Variants in ADAM29 observed in about 807,000 individuals in gnomAD.
ADAM29 encodes the protein disintegrin and metalloproteinase domain-containing protein 29.
For synonymous variants in ADAM29, 367 were observed against 342.3 expected (o/e 1.07, Z -0.80); for missense variants, 969 against 1,001.8 (o/e 0.97, Z 0.44).
intron 4 of ADAM29, among the ~76,000 whole-genome samples, chr4:174,951,952 A>C (rs1423695805): frequency 6.6e-6 from 1 of 152,182 alleles, no homozygotes; most frequent in African/African-American, 2.4e-5. Context: ...ATTGTGCATC[A>C]CGGTGACTAT....
Position 174,976,866 on chromosome 4 carries a change from G to T in ADAM29, c.1341G>T (p.Lys447Asn), listed in dbSNP as rs376303644. Residue 447 changes from lysine to asparagine, a missense_variant, in exon 5 of 5, where the codon AAG becomes AAT. By Grantham distance (94) the Lys-to-Asn change is moderately conservative. Coordinates refer to ENST00000359240, the MANE Select transcript of ADAM29 (RefSeq NM_014269.4). Reference protein sequence around the residue: ...CAFGLCCKDCKFLPSGKVCRK... With the variant: ...CAFGLCCKDCNFLPSGKVCRK... ...TTGGGCTTTGTTGCAAAGACTGCAA[G>T]TTCCTACCATCAGGGAAAGTGTGTA... 1.2e-6 allele frequency: 2 copies of T among 1,614,084 alleles called. No homozygotes were observed. The highest frequency in any genetic ancestry group is 1.7e-5 in the Admixed American group (1 of 60,002).
chr4:174,964,882 GTGTT>G (rs143588068), intron 4 of ADAM29, among the ~76,000 whole-genome samples: 2,762 of 152,000 alleles, frequency 0.018, 101 homozygotes, highest in African/African-American at 0.062. Flanking sequence ...ATGTTCATAA[GTGTT>G]TGGCCAGGTG....
At chr4:174,922,602 A>G (rs2110892169) in intron 2 of ADAM29, among the ~76,000 whole-genome samples, 1 of 152,318 alleles carries the variant, frequency 6.6e-6, no homozygotes. Context: ...TAGGAACCCC[A>G]CCAACTTATC....
At chr4:174,951,899 T>A (rs4490436) in intron 4 of ADAM29, among the ~76,000 whole-genome samples, 63,596 of 151,890 alleles carry the variant, frequency 0.42, 13,863 homozygotes, top group African/African-American at 0.54. Context: ...GGTTAAAGGA[T>A]GCAAAATTTC....
intron 4 of ADAM29, among the ~76,000 whole-genome samples, chr4:174,945,880 T>C (rs1744820112): frequency 6.6e-6 from 1 of 152,194 alleles, no homozygotes; most frequent in Non-Finnish European, 1.5e-5. Context: ...TACCATGCCA[T>C]TTTGGTTACT....
intron 4 of ADAM29, among the ~76,000 whole-genome samples, chr4:174,952,435 A>G (rs111348378): frequency 3.9e-4 from 60 of 152,260 alleles, no homozygotes; most frequent in African/African-American, 1.4e-3. Context: ...AAGTAAAGGG[A>G]ATATCAGTGC....
intron 4 of ADAM29, among the ~76,000 whole-genome samples, chr4:174,944,447 T>TC (rs1350963032): frequency 6.6e-6 from 1 of 152,226 alleles, no homozygotes; most frequent in Non-Finnish European, 1.5e-5. Flanking sequence ...ATTATATTTT[T>TC]CTCTTTGTTT....
At chr4:174,937,926 T>C (rs1391041314) in intron 4 of ADAM29, among the ~76,000 whole-genome samples, 1 of 152,040 alleles carries the variant, frequency 6.6e-6, no homozygotes, top group Non-Finnish European at 1.5e-5. Flanking sequence ...TTAGGGCAAG[T>C]TTTTCAGAAA....
At chr4:174,974,038 T>A (rs577414284) in intron 4 of ADAM29, among the ~76,000 whole-genome samples, 2 of 152,316 alleles carry the variant, frequency 1.3e-5, no homozygotes, top group Admixed American at 1.3e-4. Context: ...GTTAGGTTAG[T>A]CATCCAGTGC....
At chr4:174,959,921 A>G (rs1745712888) in intron 4 of ADAM29, among the ~76,000 whole-genome samples, 1 of 152,018 alleles carries the variant, frequency 6.6e-6, no homozygotes, top group Admixed American at 6.6e-5. Context: ...ATGAGATTTT[A>G]TAGAATTCAG....
At position 174,975,886 on chromosome 4, in the gene ADAM29, G is replaced by A. The variant is rs1746749327; in HGVS notation, c.361G>A (p.Gly121Arg). The change falls in exon 5 of 5, where the codon GGG (glycine) becomes AGG (arginine). Residue 121 changes from glycine to arginine, a missense_variant. Physicochemically the swap from Gly to Arg is moderately radical, Grantham distance 125. Transcript: ENST00000359240. ...ESLVSLSTCFGGFQGILQIND... is the reference protein window; with the variant it reads ...ESLVSLSTCFRGFQGILQIND... The stretch of plus-strand genomic sequence containing the variant: ...CCTGGTTTCCCTCAGTACCTGTTTT[G>A]GGGGTTTTCAAGGAATATTACAGAT... The A allele has an allele frequency of 1.2e-6, 2 of 1,613,380 alleles. No individual in the cohort carries two copies. The highest frequency in any genetic ancestry group is 2.7e-5 in the African/African-American group (2 of 74,874).
intron 4 of ADAM29, among the ~76,000 whole-genome samples, chr4:174,950,186 C>T (rs1745088807): frequency 6.6e-6 from 1 of 152,172 alleles, no homozygotes; most frequent in Admixed American, 6.5e-5. Flanking sequence ...ATTGATTTCC[C>T]CACTCCATGC....
intron 4 of ADAM29, among the ~76,000 whole-genome samples, chr4:174,946,316 A>G (rs1431496943): frequency 1.3e-5 from 2 of 152,180 alleles, no homozygotes; most frequent in Admixed American, 6.5e-5. Context: ...GTTGTTGTAT[A>G]GAAATGCTAT....
chr4:174,944,121 C>G (rs1378158076), intron 4 of ADAM29, among the ~76,000 whole-genome samples: 1 of 151,252 alleles, frequency 6.6e-6, no homozygotes, highest in African/African-American at 2.4e-5. Flanking sequence ...AATGTGGAAT[C>G]AAAAAGTAAT....
intron 4 of ADAM29, among the ~76,000 whole-genome samples, chr4:174,969,713 A>T (rs191726551): frequency 1.6e-4 from 25 of 152,190 alleles, no homozygotes; most frequent in Admixed American, 3.3e-4. Flanking sequence ...AACACCAAGT[A>T]TTTTGATGTG....
At chr4:174,937,550 C>A (rs748176722) in intron 4 of ADAM29, among the ~76,000 whole-genome samples, 2 of 151,994 alleles carry the variant, frequency 1.3e-5, no homozygotes, top group Non-Finnish European at 2.9e-5. Flanking sequence ...GGTGATTTCT[C>A]AACCAGAATT....
intron 4 of ADAM29, among the ~76,000 whole-genome samples, chr4:174,972,685 C>A (rs1258228111): frequency 6.6e-6 from 1 of 152,108 alleles, no homozygotes; most frequent in Non-Finnish European, 1.5e-5. Flanking sequence ...TGGTGTCCAC[C>A]AGCACTAGCT....
At chr4:174,954,434 G>T (rs369430352) in intron 4 of ADAM29, among the ~76,000 whole-genome samples, 1 of 152,054 alleles carries the variant, frequency 6.6e-6, no homozygotes, top group Non-Finnish European at 1.5e-5. Context: ...GCTAAAATTC[G>T]TTCTTATTTT....
chr4:174,957,525 G>C (rs1745571558), intron 4 of ADAM29, among the ~76,000 whole-genome samples: 1 of 151,732 alleles, frequency 6.6e-6, no homozygotes, highest in South Asian at 2.1e-4. Flanking sequence ...TGTTGCACCA[G>C]TTTCTGTGTA....
Sources: allele counts gnomAD v4.1 joint callset (sites outside exome capture counted in the v4.1 genomes callset), GRCh38; gene constraint gnomAD v4.1.1; transcripts MANE v1.5; gene names NCBI Gene and HGNC (gene_info 2026-07-23, HGNC 2026-07-21).